RALGPS1: variants seen among roughly 807,000 people sequenced by gnomAD.
RALGPS1 encodes Ral GEF with PH domain and SH3 binding motif 1.
In RALGPS1, 19 loss-of-function variants were observed where a neutral mutation model predicts 78.8. That is an observed-to-expected ratio of 0.24 (90% CI 0.17 to 0.35). RALGPS1 has a LOEUF of 0.35. Ranked by LOEUF, RALGPS1 falls within the 10% of genes least tolerant of loss-of-function variation. RALGPS1 has a pLI of 1.00. For synonymous variants in RALGPS1, 228 were observed against 256.3 expected (o/e 0.89, Z 1.06); for missense variants, 454 against 688.3 (o/e 0.66, Z 3.81).
At chr9:127,160,758 G>T (rs1458470591) in intron 8 of RALGPS1, among the ~76,000 whole-genome samples, 1 of 152,206 alleles carries the variant, frequency 6.6e-6, no homozygotes, top group Non-Finnish European at 1.5e-5. Context: ...CAGATCTTTG[G>T]AGTCAGGCAG....
chr9:127,210,703 G>A (rs762229776), intron 14 of RALGPS1: 8 of 1,550,322 alleles, frequency 5.2e-6, no homozygotes, highest in East Asian at 2.4e-5. Flanking sequence ...AGCAGGGGAC[G>A]TCTCTATGCC....
intron 11 of RALGPS1, among the ~76,000 whole-genome samples, chr9:127,188,036 C>A (rs1194674278): frequency 7.7e-6 from 1 of 130,120 alleles, no homozygotes; most frequent in East Asian, 2.3e-4. Flanking sequence ...CTGATATATT[C>A]TTTGGTTAAG....
chr9:127,192,066 A>G (rs1206692016), intron 11 of RALGPS1, among the ~76,000 whole-genome samples: 1 of 152,194 alleles, frequency 6.6e-6, no homozygotes, highest in Admixed American at 6.5e-5. Context: ...GTCATGGATG[A>G]TTTCAAGCAA....
At chr9:127,133,556 C>T (rs904755021) in intron 8 of RALGPS1, among the ~76,000 whole-genome samples, 4 of 152,190 alleles carry the variant, frequency 2.6e-5, no homozygotes, top group Non-Finnish European at 5.9e-5. Flanking sequence ...ACAAGCCCCA[C>T]CCTGCCACCC....
intron 8 of RALGPS1, among the ~76,000 whole-genome samples, chr9:127,098,312 C>T (rs976244079): frequency 1.3e-5 from 2 of 152,210 alleles, no homozygotes; most frequent in Non-Finnish European, 2.9e-5. Flanking sequence ...TAACTTGGCG[C>T]CCCTTCTGAG....
At chr9:126,983,870 AAG>A (rs1317168063) in intron 4 of RALGPS1, among the ~76,000 whole-genome samples, 1 of 152,068 alleles carries the variant, frequency 6.6e-6, no homozygotes, top group Admixed American at 6.5e-5. Context: ...TCTTTTTGGG[AAG>A]AGTGTGTCCT....
chr9:127,013,739 C>T (rs932819530), intron 4 of RALGPS1, among the ~76,000 whole-genome samples: 1 of 152,120 alleles, frequency 6.6e-6, no homozygotes, highest in African/African-American at 2.4e-5. Flanking sequence ...CTAAGGGGGG[C>T]GTGCAGGTAG....
In RALGPS1 at chr9:127,025,867, GTTTTTTTTCTAA is replaced by G. The variant is rs1270625191; in HGVS notation, c.217-8559_217-8548del. Among the ~76,000 whole-genome samples the G allele has an allele frequency of 2.0e-5, 3 of 150,856 alleles. No individual in the cohort carries two copies. In the East Asian group the frequency reaches 5.8e-4, roughly 29 times the overall value. On this transcript the variant is annotated intron_variant, in intron 4 of 18. Coordinates refer to ENST00000259351, the MANE Select transcript of RALGPS1 (RefSeq NM_014636.3). ...CACCATGCCTGGCTAAGTGTTTTTT[GTTTTTTTTCTAA>G]TTTTCTGTAGCGACAGGGTTGCACT...
chr9:127,015,061 CTT>C (rs1461397650), intron 4 of RALGPS1, among the ~76,000 whole-genome samples: 2 of 152,176 alleles, frequency 1.3e-5, no homozygotes, highest in African/African-American at 4.8e-5. Context: ...CATGCAGTAA[CTT>C]ATAGTTCTCT....
At chr9:127,198,734 G>A (rs1176701033) in intron 13 of RALGPS1, among the ~76,000 whole-genome samples, 1 of 152,162 alleles carries the variant, frequency 6.6e-6, no homozygotes, top group Non-Finnish European at 1.5e-5. Context: ...CCAGAAGAAA[G>A]CCTGAGGACC....
intron 1 of RALGPS1, among the ~76,000 whole-genome samples, chr9:126,952,656 A>AGAGTGTGTGTGTGTGTGTGTGTGTGTGT (rs1554763340): frequency 1.4e-5 from 2 of 138,828 alleles, no homozygotes; most frequent in Admixed American, 7.2e-5. Context: ...AGAGAGAGAG[A>AGAGTGTGTGTGTGTGTGTGTGTGTGTGT]GTGTGTGTGT....
At chr9:127,084,409 C>T (rs1000343402) in intron 8 of RALGPS1, among the ~76,000 whole-genome samples, 1 of 152,178 alleles carries the variant, frequency 6.6e-6, no homozygotes, top group Non-Finnish European at 1.5e-5. Context: ...CTCCCTGGCT[C>T]CTGTACTTCC....
chr9:127,106,004 C>G (rs1306490689), intron 8 of RALGPS1, among the ~76,000 whole-genome samples: 1 of 152,228 alleles, frequency 6.6e-6, no homozygotes, highest in Non-Finnish European at 1.5e-5. Flanking sequence ...AAAATTGAGG[C>G]TCAGAAGAGT....
chr9:127,215,588 C>G (rs2062533340), intron 18 of RALGPS1, among the ~76,000 whole-genome samples: 1 of 152,312 alleles, frequency 6.6e-6, no homozygotes, highest in Non-Finnish European at 1.5e-5. Flanking sequence ...GGATTGAACC[C>G]AGGTCTGCCT....
chr9:127,134,013 C>CG (rs562584991), intron 8 of RALGPS1, among the ~76,000 whole-genome samples: 25 of 151,656 alleles, frequency 1.6e-4, no homozygotes, highest in South Asian at 6.3e-4. Flanking sequence ...CGCTCCCCCC[C>CG]CCGTGAATGC....
intron 11 of RALGPS1, among the ~76,000 whole-genome samples, chr9:127,186,262 G>C (rs1355958712): frequency 1.3e-5 from 2 of 152,162 alleles, no homozygotes; most frequent in Non-Finnish European, 2.9e-5. Flanking sequence ...CACTTAAAGA[G>C]CTTTAAAGAT....
At chr9:127,130,445 A>G (rs2056926711) in intron 8 of RALGPS1, among the ~76,000 whole-genome samples, 1 of 152,146 alleles carries the variant, frequency 6.6e-6, no homozygotes, top group Admixed American at 6.5e-5. Flanking sequence ...CTTTCCTTTA[A>G]GTTGTCCCTT....
intron 8 of RALGPS1, among the ~76,000 whole-genome samples, chr9:127,094,518 A>G (rs1359790888): frequency 1.3e-5 from 2 of 152,242 alleles, no homozygotes; most frequent in Non-Finnish European, 2.9e-5. Context: ...AGCTTTTACT[A>G]AATGAACTTC....
At chr9:127,123,559 A>C (rs1469255999) in intron 8 of RALGPS1, among the ~76,000 whole-genome samples, 1 of 152,092 alleles carries the variant, frequency 6.6e-6, no homozygotes, top group Non-Finnish European at 1.5e-5. Flanking sequence ...CTGCTTTGTG[A>C]TCCTCTTTAG....
Sources: allele counts gnomAD v4.1 joint callset (sites outside exome capture counted in the v4.1 genomes callset), GRCh38; gene constraint gnomAD v4.1.1; transcripts MANE v1.5; gene names NCBI Gene and HGNC (gene_info 2026-07-23, HGNC 2026-07-21).